The following SDK1 variants were observed in gnomAD, a reference collection of about 807,000 sequenced individuals.
The protein encoded by SDK1 is sidekick cell adhesion molecule 1.
Under a neutral mutation model 245.5 loss-of-function variants are expected in SDK1, and 157 were observed. The observed-to-expected ratio is 0.64, with a 90% confidence interval of 0.56 to 0.73. The LOEUF (loss-of-function observed/expected upper bound fraction) is 0.73, where lower values mean the gene tolerates loss of function less well. Ranked by LOEUF, SDK1 falls within the 30% of genes least tolerant of loss-of-function variation. SDK1 has a pLI of 0.00. For synonymous variants in SDK1, 1,647 were observed against 1,278.5 expected (o/e 1.29, Z -6.15); for missense variants, 3,583 against 3,002.3 (o/e 1.19, Z -4.52).
chr7:3,586,597 C>T (rs1006757778), intron 1 of SDK1, among the ~76,000 whole-genome samples: 14 of 149,032 alleles, frequency 9.4e-5, no homozygotes, highest in East Asian at 2.0e-4. Context: ...CCTAGCTACT[C>T]GGGAGGCTGA....
intron 1 of SDK1, among the ~76,000 whole-genome samples, chr7:3,566,225 T>TTC (rs1491165857): frequency 2.9e-4 from 19 of 66,116 alleles, no homozygotes; most frequent in South Asian, 1.7e-3. Context: ...AAACTTCTTC[T>TTC]TTTTTTTTTT....
At chr7:3,772,054 T>G (rs768662746) in intron 4 of SDK1, among the ~76,000 whole-genome samples, 4 of 152,214 alleles carry the variant, frequency 2.6e-5, no homozygotes, top group Non-Finnish European at 5.9e-5. Context: ...TGTAATGTCC[T>G]CAAAATTTGT....
chr7:3,730,093 T>C (rs1325936581), intron 4 of SDK1, among the ~76,000 whole-genome samples: 1 of 152,058 alleles, frequency 6.6e-6, no homozygotes, highest in Non-Finnish European at 1.5e-5. Flanking sequence ...TAGCAGGAAA[T>C]ATTTGTCCTC....
chr7:4,233,771 C>G (rs1032109985), intron 41 of SDK1, among the ~76,000 whole-genome samples: 2 of 152,156 alleles, frequency 1.3e-5, no homozygotes, highest in African/African-American at 4.8e-5. Context: ...CCAGTGCCAC[C>G]CATCCTCCTG....
At chr7:3,365,206 G>A (rs992327833) in intron 1 of SDK1, among the ~76,000 whole-genome samples, 3 of 152,198 alleles carry the variant, frequency 2.0e-5, no homozygotes, top group African/African-American at 7.2e-5. Context: ...TCATACAGGA[G>A]TAGATTGTTT....
In SDK1 at chr7:3,409,748, C is replaced by T. The variant is rs529834380; in HGVS notation, c.298+107864C>T. Among the ~76,000 whole-genome samples the T allele has an allele frequency of 1.4e-4, 21 of 152,146 alleles. 1 individual carries two copies. Among genetic ancestry groups the T allele is most frequent in the South Asian group, 6.2e-4 (3 of 4,810 alleles). ...GAGAAAGAAGTTGAGAGGAGAACCA[C>T]GCTTTGTATTTAGGTGGGCTGTGGT... On this transcript the variant is annotated intron_variant, in intron 1 of 44. Transcript: ENST00000404826.
intron 1 of SDK1, among the ~76,000 whole-genome samples, chr7:3,383,494 C>G (rs1477965900): frequency 6.6e-6 from 1 of 152,084 alleles, no homozygotes; most frequent in African/African-American, 2.4e-5. Flanking sequence ...GCGGTTTTAG[C>G]CATCTCTTTT....
At chr7:3,354,147 C>G (rs6964818) in intron 1 of SDK1, among the ~76,000 whole-genome samples, 1 of 151,764 alleles carries the variant, frequency 6.6e-6, no homozygotes, top group Non-Finnish European at 1.5e-5. Flanking sequence ...TGCAGGCACC[C>G]GCCACCACAC....
At chr7:3,640,139 G>C (rs1344420652) in intron 3 of SDK1, among the ~76,000 whole-genome samples, 1 of 152,328 alleles carries the variant, frequency 6.6e-6, no homozygotes, top group East Asian at 1.9e-4. Flanking sequence ...GGGATTACAA[G>C]AGTGAGCTTG....
At chr7:3,669,926 A>G (rs555739476) in intron 4 of SDK1, among the ~76,000 whole-genome samples, 1 of 152,298 alleles carries the variant, frequency 6.6e-6, no homozygotes, top group East Asian at 1.9e-4. Context: ...CATAAATGAC[A>G]CTGCCATCCA....
chr7:3,991,218 A>G (rs1051630515), intron 14 of SDK1, among the ~76,000 whole-genome samples: 2 of 152,200 alleles, frequency 1.3e-5, no homozygotes, highest in African/African-American at 4.8e-5. Context: ...AGGACCCCTC[A>G]GTGCCAGGCC....
intron 14 of SDK1, among the ~76,000 whole-genome samples, chr7:4,001,995 C>G (rs539422420): frequency 8.5e-5 from 13 of 152,218 alleles, no homozygotes; most frequent in Non-Finnish European, 1.6e-4. Context: ...CCTCGCAGTC[C>G]CCTGCAGGAG....
intron 35 of SDK1, among the ~76,000 whole-genome samples, chr7:4,183,167 G>T (rs558607614): frequency 6.6e-6 from 1 of 152,172 alleles, no homozygotes; most frequent in South Asian, 2.1e-4. Context: ...GCCGTGAGTC[G>T]TGAGTCATGA....
chr7:3,745,467 T>G (rs1237285324), intron 4 of SDK1, among the ~76,000 whole-genome samples: 2 of 152,208 alleles, frequency 1.3e-5, no homozygotes, highest in Non-Finnish European at 2.9e-5. Flanking sequence ...AACTGACATT[T>G]ATATAATACT....
At chr7:3,480,523 G>A (rs1279643678) in intron 1 of SDK1, among the ~76,000 whole-genome samples, 2 of 152,162 alleles carry the variant, frequency 1.3e-5, no homozygotes, top group East Asian at 3.9e-4. Flanking sequence ...CGGTGTTCCC[G>A]ATAAGCTGCC....
intron 5 of SDK1, among the ~76,000 whole-genome samples, chr7:3,905,478 A>G (rs1359918602): frequency 6.6e-6 from 1 of 152,034 alleles, no homozygotes; most frequent in African/African-American, 2.4e-5. Flanking sequence ...TTTCAGTATA[A>G]TTATTCTATT....
chr7:3,560,177 T>C (rs1279202134), intron 1 of SDK1, among the ~76,000 whole-genome samples: 1 of 152,216 alleles, frequency 6.6e-6, no homozygotes, highest in Non-Finnish European at 1.5e-5. Flanking sequence ...AATATTATGC[T>C]TCCGCAAAAT....
chr7:4,120,567 A>G (rs1783990238), intron 25 of SDK1, among the ~76,000 whole-genome samples: 1 of 149,020 alleles, frequency 6.7e-6, no homozygotes, highest in African/African-American at 2.5e-5. Context: ...TGCTATATAA[A>G]AATGAAGACA....
chr7:4,136,162 G>A (rs866245074), intron 28 of SDK1, among the ~76,000 whole-genome samples: 1 of 152,132 alleles, frequency 6.6e-6, no homozygotes, highest in Non-Finnish European at 1.5e-5. Flanking sequence ...GTCTACCTGC[G>A]AGGCAGACAA....
Sources: allele counts gnomAD v4.1 joint callset (sites outside exome capture counted in the v4.1 genomes callset), GRCh38; gene constraint gnomAD v4.1.1; transcripts MANE v1.5; gene names NCBI Gene and HGNC (gene_info 2026-07-23, HGNC 2026-07-21).